UBE2E2: variants seen among roughly 807,000 people sequenced by gnomAD.
UBE2E2 encodes ubiquitin conjugating enzyme E2 E2.
In UBE2E2, 6 loss-of-function variants were observed where a neutral mutation model predicts 24.7. The ratio of observed to expected loss-of-function variants is 0.24; its 90% confidence interval spans 0.13 to 0.48. The LOEUF is 0.48. Ranked by LOEUF, UBE2E2 falls within the 20% of genes least tolerant of loss-of-function variation. The pLI is 0.99. For synonymous variants in UBE2E2, 104 were observed against 83.6 expected (o/e 1.24, Z -1.33); for missense variants, 169 against 245.0 (o/e 0.69, Z 2.07).
intron 5 of UBE2E2, among the ~76,000 whole-genome samples, chr3:23,544,689 C>G (rs1381675848): frequency 2.6e-5 from 4 of 152,206 alleles, no homozygotes; most frequent in African/African-American, 9.6e-5. Flanking sequence ...CCCTCCACAC[C>G]TGTGGGTGTT....
At chr3:23,362,104 C>G (rs1696133246) in intron 3 of UBE2E2, among the ~76,000 whole-genome samples, 1 of 152,144 alleles carries the variant, frequency 6.6e-6, no homozygotes, top group South Asian at 2.1e-4. Flanking sequence ...GTGCACCACT[C>G]TCATGGAGAT....
intron 3 of UBE2E2, among the ~76,000 whole-genome samples, chr3:23,409,126 A>G (rs780080295): frequency 9.9e-5 from 15 of 152,190 alleles, no homozygotes; most frequent in Non-Finnish European, 2.2e-4. Flanking sequence ...TCTCAGGAAT[A>G]ATAGAATGTG....
chr3:23,377,980 G>A (rs114049505), intron 3 of UBE2E2, among the ~76,000 whole-genome samples: 4,390 of 151,782 alleles, frequency 0.029, 109 homozygotes, highest in East Asian at 0.13. Context: ...TTCTTATGAG[G>A]GCACACATAA....
chr3:23,286,084 A>G (rs1698608636), intron 3 of UBE2E2, among the ~76,000 whole-genome samples: 1 of 152,154 alleles, frequency 6.6e-6, no homozygotes, highest in Non-Finnish European at 1.5e-5. Context: ...AATCCCTTGT[A>G]GAGTGGATAG....
At chr3:23,221,211 T>C (rs1167135253) in intron 3 of UBE2E2, among the ~76,000 whole-genome samples, 1 of 152,228 alleles carries the variant, frequency 6.6e-6, no homozygotes. Flanking sequence ...GTAGTTATAC[T>C]AGCAGTTTAC....
intron 3 of UBE2E2, among the ~76,000 whole-genome samples, chr3:23,292,907 C>T (rs892677276): frequency 6.6e-6 from 1 of 152,160 alleles, no homozygotes; most frequent in Non-Finnish European, 1.5e-5. Flanking sequence ...AACCCCGTCT[C>T]TACTAAAAAT....
chr3:23,561,188 G>T (rs1695920439), intron 5 of UBE2E2, among the ~76,000 whole-genome samples: 1 of 152,036 alleles, frequency 6.6e-6, no homozygotes, highest in African/African-American at 2.4e-5. Flanking sequence ...TTTCTTCTAG[G>T]GTTTTTATGG....
At chr3:23,398,073 G>C (rs1697122315) in intron 3 of UBE2E2, among the ~76,000 whole-genome samples, 2 of 152,220 alleles carry the variant, frequency 1.3e-5, no homozygotes, top group East Asian at 3.9e-4. Context: ...AGCACTTTGG[G>C]AGGCCAAGGC....
At chr3:23,457,957 G>A (rs764944260) in intron 3 of UBE2E2, among the ~76,000 whole-genome samples, 3 of 152,114 alleles carry the variant, frequency 2.0e-5, no homozygotes, top group Non-Finnish European at 2.9e-5. Flanking sequence ...CTTCATATCA[G>A]CAATAAAGCT....
At chr3:23,299,196 G>A (rs980777658) in intron 3 of UBE2E2, among the ~76,000 whole-genome samples, 1 of 151,888 alleles carries the variant, frequency 6.6e-6, no homozygotes, top group Non-Finnish European at 1.5e-5. Flanking sequence ...TAGTCTTGCT[G>A]GCGGTCTATC....
intron 5 of UBE2E2, among the ~76,000 whole-genome samples, chr3:23,571,168 A>G (rs567848549): frequency 2.6e-5 from 4 of 151,208 alleles, no homozygotes; most frequent in Non-Finnish European, 4.4e-5. Context: ...CTATTTAATT[A>G]TAAGTTTGTA....
At chr3:23,240,568 CTGTT>C (rs937169832) in intron 3 of UBE2E2, among the ~76,000 whole-genome samples, 2 of 152,202 alleles carry the variant, frequency 1.3e-5, no homozygotes, top group Non-Finnish European at 2.9e-5. Context: ...CACAGCCACA[CTGTT>C]TATGCCATTA....
chr3:23,453,760 G>A (rs1698617581), intron 3 of UBE2E2, among the ~76,000 whole-genome samples: 1 of 152,112 alleles, frequency 6.6e-6, no homozygotes, highest in African/African-American at 2.4e-5. Context: ...GAGCTTTCTT[G>A]TAGAGCAGTG....
At chr3:23,355,003 G>A (rs1222260507) in intron 3 of UBE2E2, among the ~76,000 whole-genome samples, 1 of 151,866 alleles carries the variant, frequency 6.6e-6, no homozygotes, top group South Asian at 2.1e-4. Context: ...CGATAGACTG[G>A]ATTAAGAAAA....
chr3:23,303,874 A>G (rs1559340683), intron 3 of UBE2E2, among the ~76,000 whole-genome samples: 3 of 152,152 alleles, frequency 2.0e-5, no homozygotes, highest in Admixed American at 2.0e-4. Flanking sequence ...CCTCATAGGA[A>G]TTATACCGTT....
chr3:23,257,629 C>T (rs752439953), intron 3 of UBE2E2, among the ~76,000 whole-genome samples: 4 of 145,834 alleles, frequency 2.7e-5, no homozygotes, highest in Admixed American at 7.0e-5. Flanking sequence ...CCTCAGCCTC[C>T]GTAGTAGCTG....
intron 4 of UBE2E2, among the ~76,000 whole-genome samples, chr3:23,523,871 G>A (rs111443386): frequency 0.011 from 1,639 of 149,020 alleles, 21 homozygotes; most frequent in African/African-American, 0.037. Context: ...ATAAACTGTA[G>A]TTTCATAGTG....
At chr3:23,547,734 C>T (rs1695554216) in intron 5 of UBE2E2, among the ~76,000 whole-genome samples, 1 of 152,230 alleles carries the variant, frequency 6.6e-6, no homozygotes, top group African/African-American at 2.4e-5. Context: ...TGATACTTCT[C>T]TTCCTAAATA....
chr3:23,302,538 T>C (rs1575546073), intron 3 of UBE2E2, among the ~76,000 whole-genome samples: 3 of 152,206 alleles, frequency 2.0e-5, no homozygotes, highest in Admixed American at 6.5e-5. Context: ...TCTTTGAACT[T>C]CTGTTACATC....
Sources: gnomAD v4.1 joint callset for allele counts (sites outside exome capture counted in the v4.1 genomes callset) on GRCh38, gnomAD v4.1.1 for gene constraint, MANE v1.5 for transcripts, NCBI Gene and HGNC (gene_info 2026-07-23, HGNC 2026-07-21) for gene names.